CA12: variants seen among roughly 807,000 people sequenced by gnomAD.
The protein encoded by CA12 is carbonate dehydratase XII.
CA12 carries 36 observed loss-of-function variants against 46.8 expected under a neutral mutation model. That is an observed-to-expected ratio of 0.77 (90% CI 0.59 to 1.02). CA12 has a LOEUF of 1.02. Ranked by LOEUF, CA12 falls within the 50% of genes least tolerant of loss-of-function variation. CA12 has a pLI of 0.00. For synonymous variants in CA12, 202 were observed against 187.0 expected (o/e 1.08, Z -0.65); for missense variants, 436 against 451.4 (o/e 0.97, Z 0.31).
chr15:63,381,674 A>G lies in CA12; in HGVS notation c.47T>C (p.Ile16Thr). 1 of 1,611,404 alleles carries G rather than the reference A, an allele frequency of 6.2e-7. No homozygotes were observed. Among genetic ancestry groups the G allele is most frequent in the Non-Finnish European group, 8.5e-7 (1 of 1,178,900 alleles). ...CGGGCTGGAAGGCTGTTCCTTTAAG[A>G]TCACCAGCAGGAGCACGGCCGCCGC... Reference protein sequence around the residue: ...LHAAAVLLLVILKEQPSSPAP... With the variant: ...LHAAAVLLLVTLKEQPSSPAP... Residue 16 changes from isoleucine to threonine, a missense_variant, in exon 1 of 11, where the codon ATC becomes ACC. By Grantham distance (89) the Ile-to-Thr change is moderately conservative. Coordinates refer to ENST00000178638, the MANE Select transcript of CA12 (RefSeq NM_001218.5).
chr15:63,334,161 C>T (rs1172619695), intron 8 of CA12, among the ~76,000 whole-genome samples: 2 of 151,844 alleles, frequency 1.3e-5, no homozygotes, highest in Non-Finnish European at 2.9e-5. Flanking sequence ...GAGGACGTGT[C>T]CCCTCCCAGG....
intron 10 of CA12, 39 bp from the exon 11 acceptor site, chr15:63,326,396 G>A (rs984032114): frequency 1.3e-6 from 2 of 1,541,714 alleles, no homozygotes; most frequent in Non-Finnish European, 1.8e-6. Context: ...TTAGAGAGGA[G>A]AGCGAGCGAG....
Position 63,371,707 on chromosome 15 carries a change from C to A in CA12, c.106+3951G>T, listed in dbSNP as rs138644119. 1.1e-4 allele frequency among the ~76,000 whole-genome samples: 17 copies of A among 152,328 alleles called. No homozygotes were observed. In the East Asian group the frequency reaches 3.1e-3, roughly 28 times the overall value. ...TCTCAACCAGCTCACATCCAAGAAG[C>A]AGCAAGCCAATATCTGATATCATCA... On this transcript the variant is annotated intron_variant, in intron 2 of 10. Transcript: ENST00000178638.
In CA12 at chr15:63,327,124, C is replaced by T; in HGVS notation, c.992+25G>A. On this transcript the variant is annotated intron_variant, in intron 10 of 10. Transcript: ENST00000178638. This position sits in a 1 kb window ranked among gnomAD's most constrained non-coding sequence, Gnocchi z 4.5. ...ATCATGGACACATAGCTGTCCATTCCCATTTTGGACCCAAACCAGCTCACC... is the reference window on the plus strand; with the variant it reads ...ATCATGGACACATAGCTGTCCATTCTCATTTTGGACCCAAACCAGCTCACC... The T allele has an allele frequency of 6.2e-7, 1 of 1,600,536 alleles. No individual in the cohort carries two copies. Among genetic ancestry groups the T allele is most frequent in the South Asian group, 1.1e-5 (1 of 90,720 alleles).
At chr15:63,335,888 G>C in intron 8 of CA12, among the ~76,000 whole-genome samples, 1 of 152,160 alleles carries the variant, frequency 6.6e-6, no homozygotes, top group East Asian at 1.9e-4. Flanking sequence ...CAGCCCCCTG[G>C]GCAGATGAGG....
At chr15:63,379,421 A>G (rs1165059843) in intron 1 of CA12, among the ~76,000 whole-genome samples, 2 of 152,120 alleles carry the variant, frequency 1.3e-5, no homozygotes, top group African/African-American at 4.8e-5. Flanking sequence ...TTATTCAGGA[A>G]TTGCACCCCC....
chr15:63,381,282 G>A (rs982241594), intron 1 of CA12, among the ~76,000 whole-genome samples: 1 of 152,208 alleles, frequency 6.6e-6, no homozygotes, highest in Admixed American at 6.5e-5. Flanking sequence ...GAATGCCACA[G>A]TCATGTCTCT....
Position 63,341,914 on chromosome 15 carries a change from A to G in CA12, c.525+88T>C. On this transcript the variant is annotated intron_variant, in intron 5 of 10. Transcript: ENST00000178638. This position sits in a 1 kb window ranked among gnomAD's most constrained non-coding sequence, Gnocchi z 5.2. Reference sequence around the variant, plus strand: ...GGAGTCGATACAGGAACAGCTGATTATCAACAGGTATGCATGGAACAAAAG... The same window carrying G: ...GGAGTCGATACAGGAACAGCTGATTGTCAACAGGTATGCATGGAACAAAAG... The G allele has an allele frequency of 2.2e-6, 2 of 892,188 alleles. No homozygotes were observed. The highest frequency in any genetic ancestry group is 1.9e-6 in the Non-Finnish European group (1 of 538,782). 55.3% of individuals were successfully genotyped at this position (892,188 alleles called of 1,614,324 possible). A position where few individuals can be genotyped will look rare whatever the true frequency, so the allele number is the denominator to read the frequency against.
At chr15:63,369,577 C>G (rs1215809128) in intron 2 of CA12, among the ~76,000 whole-genome samples, 2 of 152,192 alleles carry the variant, frequency 1.3e-5, no homozygotes, top group Non-Finnish European at 2.9e-5. Flanking sequence ...GGAGGTAGGC[C>G]TGGGATGGGC....
At chr15:63,368,769 G>T (rs547978568) in intron 2 of CA12, among the ~76,000 whole-genome samples, 19 of 152,346 alleles carry the variant, frequency 1.2e-4, no homozygotes, top group Admixed American at 1.1e-3. Context: ...CTCCTCACCT[G>T]CCAGCCCGCT....
rs1329233433 is a variant in CA12, at chr15:63,341,194, A to G, written c.526-411T>C. Among the ~76,000 whole-genome samples the G allele has an allele frequency of 6.6e-6, 1 of 152,212 alleles. No individual in the cohort carries two copies. Among genetic ancestry groups the G allele is most frequent in the African/African-American group, 2.4e-5 (1 of 41,450 alleles). On this transcript the variant is annotated intron_variant, in intron 5 of 10. Coordinates refer to ENST00000178638, the MANE Select transcript of CA12 (RefSeq NM_001218.5). The surrounding 1 kb of genome is among the most constrained non-coding windows in gnomAD (Gnocchi z 5.2). ...CCTCATTAGGAAAAAAAAACATGCA[A>G]GCCAATCAGAAGACATTCCTCTATC...
chr15:63,333,285 C>T (rs956512776), intron 8 of CA12, among the ~76,000 whole-genome samples: 12 of 152,248 alleles, frequency 7.9e-5, no homozygotes, highest in African/African-American at 2.7e-4. Flanking sequence ...TGGGTCCAGC[C>T]GTCTGCCCAG....
At chr15:63,371,216 G>A (rs566669548) in intron 2 of CA12, among the ~76,000 whole-genome samples, 2 of 152,332 alleles carry the variant, frequency 1.3e-5, no homozygotes, top group African/African-American at 2.4e-5. Flanking sequence ...GAAGGCGGGT[G>A]GAGGTGTGGG....
chr15:63,325,251 A>C lies in CA12; in HGVS notation c.*1034T>G, dbSNP rs943146192. ...GTAGGGATCCTGCAGAAGTGGCTGA[A>C]ATGAAATTTGGCCTACAGAGAATAA... On this transcript the variant is annotated 3_prime_UTR_variant, in exon 11 of 11. Transcript: ENST00000178638. This position sits in a 1 kb window ranked among gnomAD's most constrained non-coding sequence, Gnocchi z 4.9. The C allele has an allele frequency of 6.6e-6, 1 of 152,190 alleles. No individual in the cohort carries two copies. Among genetic ancestry groups the C allele is most frequent in the Non-Finnish European group, 1.5e-5 (1 of 68,040 alleles). 9.4% of individuals were successfully genotyped at this position (152,190 alleles called of 1,614,324 possible). A position where few individuals can be genotyped will look rare whatever the true frequency, so the allele number is the denominator to read the frequency against.
Position 63,345,399 on chromosome 15 carries a change from C to G in CA12, c.429+78G>C. 3 of 1,572,950 alleles carry G rather than the reference C, an allele frequency of 1.9e-6. No individual in the cohort carries two copies. The highest frequency in any genetic ancestry group is 2.3e-5 in the East Asian group (1 of 44,042). On this transcript the variant is annotated intron_variant, in intron 4 of 10. Coordinates refer to ENST00000178638, the MANE Select transcript of CA12 (RefSeq NM_001218.5). The surrounding 1 kb of genome is among the most constrained non-coding windows in gnomAD (Gnocchi z 4.3). The stretch of plus-strand genomic sequence containing the variant: ...AGCCTGTCCCATGCTCTGGTGTTAT[C>G]TGCACAGCAGCCAGGTCGAGAAGGT...
At chr15:63,367,613 G>C (rs1450894510) in intron 2 of CA12, among the ~76,000 whole-genome samples, 1 of 152,192 alleles carries the variant, frequency 6.6e-6, no homozygotes, top group African/African-American at 2.4e-5. Flanking sequence ...CTGAGAACTG[G>C]ATGGGTTGCA....
rs754043358 is a variant in CA12 at position 63,340,867 on chromosome 15, G to T, written c.526-84C>A. On this transcript the variant is annotated intron_variant, in intron 5 of 10. Transcript: ENST00000178638. This position sits in a 1 kb window ranked among gnomAD's most constrained non-coding sequence, Gnocchi z 4.4. ...TGACGATTGCTATCAGAAGGGCAAA[G>T]CTGTGGGTATGTTGCCACCACTGCC... 17 of 1,194,246 alleles carry T rather than the reference G, an allele frequency of 1.4e-5. No individual in the cohort carries two copies. The highest frequency in any genetic ancestry group is 1.9e-5 in the Non-Finnish European group (15 of 801,834). The allele number at this position is 1,194,246 out of a possible 1,614,324, so 74.0% of individuals were successfully genotyped here.
In CA12 at chr15:63,340,766, C is replaced by T. The variant is rs371863633; in HGVS notation, c.543G>A (p.Pro181=). Residue 181 remains proline (P), a synonymous_variant, in exon 6 of 11, where the codon CCG becomes CCA. Transcript: ENST00000178638. The surrounding 1 kb of genome is among the most constrained non-coding windows in gnomAD (Gnocchi z 4.4). The part of the protein sequence containing the change: ...AVLIEMGSFN[P]SYDKIFSHLQ... ...GGTGACTGAAGATCTTGTCATAGGA[C>T]GGATTGAAGGAGCCCATCTGCAACA... 40 of 1,613,980 alleles carry T rather than the reference C, an allele frequency of 2.5e-5. No homozygotes were observed. Among genetic ancestry groups the T allele is most frequent in the Middle Eastern group, 3.3e-4 (2 of 6,084 alleles).
At position 63,372,926 on chromosome 15, in the gene CA12, G is replaced by A. The variant is rs986220021; in HGVS notation, c.106+2732C>T. Among the ~76,000 whole-genome samples the A allele has an allele frequency of 6.6e-6, 1 of 152,228 alleles. No individual in the cohort carries two copies. Among genetic ancestry groups the A allele is most frequent in the Non-Finnish European group, 1.5e-5 (1 of 68,044 alleles). On this transcript the variant is annotated intron_variant, in intron 2 of 10. Coordinates refer to ENST00000178638, the MANE Select transcript of CA12 (RefSeq NM_001218.5). The surrounding 1 kb of genome is among the most constrained non-coding windows in gnomAD (Gnocchi z 4.5). ...CTCTGCCCTCTGCTTCCTCAGCAAAGAGCTGCTCTAATTATGCAGGGTAGG... is the reference window on the plus strand; with the variant it reads ...CTCTGCCCTCTGCTTCCTCAGCAAAAAGCTGCTCTAATTATGCAGGGTAGG...
Sources: allele counts gnomAD v4.1 joint callset (sites outside exome capture counted in the v4.1 genomes callset), GRCh38; gene constraint gnomAD v4.1.1; non-coding constraint Gnocchi (gnomAD v3.1); transcripts MANE v1.5; gene names NCBI Gene and HGNC (gene_info 2026-07-23, HGNC 2026-07-21).